Variants in XDH observed in about 807,000 individuals in gnomAD.
XDH encodes the protein xanthine dehydrogenase/oxidase.
XDH carries 138 observed loss-of-function variants against 156.1 expected under a neutral mutation model. The ratio of observed to expected loss-of-function variants is 0.88; its 90% confidence interval spans 0.77 to 1.02. The LOEUF is 1.02. XDH is among the 50% of genes least tolerant of loss of function. XDH has a pLI of 0.00. For synonymous variants in XDH, 669 were observed against 625.7 expected (o/e 1.07, Z -1.03); for missense variants, 1,849 against 1,684.9 (o/e 1.10, Z -1.71).
intron 6 of XDH, among the ~76,000 whole-genome samples, chr2:31,392,300 G>T (rs1572559788): frequency 6.6e-6 from 1 of 151,566 alleles, no homozygotes; most frequent in Middle Eastern, 3.4e-3. Flanking sequence ...CAATGAAATT[G>T]ATTTTTGCTC....
intron 27 of XDH, 84 bp downstream of exon 27, chr2:31,348,815 G>T (rs969361639): frequency 2.3e-6 from 3 of 1,323,060 alleles, no homozygotes; most frequent in Non-Finnish European, 3.3e-6. Context: ...CAGTGACAAC[G>T]AAATTTCCCT....
intron 6 of XDH, among the ~76,000 whole-genome samples, chr2:31,388,862 C>T (rs1422531482): frequency 1.3e-5 from 2 of 152,208 alleles, no homozygotes; most frequent in African/African-American, 4.8e-5. Context: ...ACCCTTCACT[C>T]CTCACTGTGG....
At chr2:31,369,712 C>T (rs1169018245) in intron 18 of XDH, among the ~76,000 whole-genome samples, 1 of 152,224 alleles carries the variant, frequency 6.6e-6, no homozygotes, top group East Asian at 1.9e-4. Flanking sequence ...ATGCTCTCCT[C>T]ATGGAGTCTT....
chr2:31,404,240 G>C (rs206799), intron 2 of XDH, among the ~76,000 whole-genome samples: 8,171 of 152,136 alleles, frequency 0.054, 361 homozygotes, highest in African/African-American at 0.11. Context: ...ACCTGGGAAG[G>C]TTTTCTGTGT....
rs1334517823 is a variant in XDH, at chr2:31,350,107, C to A, written c.2748G>T (p.Gly916=). The change falls in exon 25 of 36, where the codon GGG becomes GGT. Residue 916 remains glycine (G), a synonymous_variant. Coordinates refer to ENST00000379416, the MANE Select transcript of XDH (RefSeq NM_000379.4). ...CGGCAATGAGCATCCCCTGGGGCCCCCCAAAGCCCCGGAAGGCCGTGTTGG... is the reference window on the plus strand; with the variant it reads ...CGGCAATGAGCATCCCCTGGGGCCCACCAAAGCCCCGGAAGGCCGTGTTGG... ...LPSNTAFRGF[G]GPQGMLIAEC... 1 of 1,614,128 alleles carries A rather than the reference C, an allele frequency of 6.2e-7. No individual in the cohort carries two copies. The highest frequency in any genetic ancestry group is 8.5e-7 in the Non-Finnish European group (1 of 1,180,052).
intron 22 of XDH, 141 bp downstream of exon 22, chr2:31,365,835 G>T (rs1356995708): frequency 4.9e-6 from 7 of 1,418,008 alleles, no homozygotes; most frequent in Admixed American, 2.0e-5. Flanking sequence ...ATGCCCAAGG[G>T]TTCTAAAAAC....
chr2:31,341,440 G>T (rs1029037087), intron 32 of XDH, 46 bp from the exon 33 acceptor site: 47 of 1,539,260 alleles, frequency 3.1e-5, no homozygotes, highest in Non-Finnish European at 4.1e-5. Context: ...AGGAAAAGAT[G>T]TTTGGAATAT....
intron 34 of XDH, among the ~76,000 whole-genome samples, chr2:31,338,179 AGG>A (rs1685019067): frequency 6.6e-6 from 1 of 152,210 alleles, no homozygotes. Context: ...TCACTAGCCG[AGG>A]GGAAGAGTCT....
intron 6 of XDH, among the ~76,000 whole-genome samples, chr2:31,396,766 T>A (rs1026834325): frequency 6.6e-6 from 1 of 152,224 alleles, no homozygotes; most frequent in African/African-American, 2.4e-5. Flanking sequence ...TTAGGCATTT[T>A]CATTTAATTC....
chr2:31,344,663 C>T (rs1173111576), intron 31 of XDH, 21 bp downstream of exon 31: 6 of 1,613,986 alleles, frequency 3.7e-6, no homozygotes, highest in Non-Finnish European at 5.1e-6. Context: ...ATGAGCTGGG[C>T]AAGGACAACA....
At chr2:31,402,723 A>C (rs74511714) in intron 3 of XDH, among the ~76,000 whole-genome samples, 1 of 152,302 alleles carries the variant, frequency 6.6e-6, no homozygotes, top group African/African-American at 2.4e-5. Flanking sequence ...AACCTGGGGC[A>C]TACTGTGCAG....
chr2:31,380,051 C>G lies in XDH; in HGVS notation c.1133-75G>C, dbSNP rs921997563. 2.1e-6 allele frequency: 3 copies of G among 1,419,786 alleles called. No homozygotes were observed. The African/African-American group carries it at 4.2e-5, about 20-fold the overall frequency. The allele number at this position is 1,419,786 out of a possible 1,614,324, so 87.9% of individuals were successfully genotyped here. ...ACCCCCCATGGGGAGAAAGGATAAC[C>G]ATCAGTGGGATTCTTCATGCTGGTC... On this transcript the variant is annotated intron_variant, in intron 12 of 35. Coordinates refer to ENST00000379416, the MANE Select transcript of XDH (RefSeq NM_000379.4).
At chr2:31,345,209 C>T (rs918349401) in intron 30 of XDH, among the ~76,000 whole-genome samples, 1 of 152,206 alleles carries the variant, frequency 6.6e-6, no homozygotes, top group Non-Finnish European at 1.5e-5. Context: ...GGTTCCTCTT[C>T]TATATATGTG....
intron 1 of XDH, among the ~76,000 whole-genome samples, 195 bp downstream of exon 1, chr2:31,414,430 T>A (rs990927458): frequency 1.3e-5 from 2 of 151,718 alleles, no homozygotes; most frequent in Admixed American, 1.3e-4. Flanking sequence ...GAGTATCTTG[T>A]CTGTGCTCTA....
intron 35 of XDH, 23 bp downstream of exon 35, chr2:31,337,618 T>A (rs752207109): frequency 6.2e-7 from 1 of 1,613,360 alleles, no homozygotes; most frequent in African/African-American, 1.3e-5. Context: ...CTGGACTGAG[T>A]GGATGCTTGA....
intron 4 of XDH, among the ~76,000 whole-genome samples, chr2:31,399,709 G>T (rs1214361076): frequency 6.6e-6 from 1 of 152,150 alleles, no homozygotes; most frequent in Non-Finnish European, 1.5e-5. Context: ...TCATGGTAGT[G>T]AATAAATCTG....
chr2:31,373,605 T>A (rs1462043419), intron 16 of XDH, among the ~76,000 whole-genome samples: 1 of 151,708 alleles, frequency 6.6e-6, no homozygotes, highest in Non-Finnish European at 1.5e-5. Flanking sequence ...TTGTACATTA[T>A]CCATCACGTA....
At chr2:31,353,386 G>A (rs765199931) in intron 24 of XDH, among the ~76,000 whole-genome samples, 7 of 152,136 alleles carry the variant, frequency 4.6e-5, no homozygotes, top group Non-Finnish European at 7.3e-5. Context: ...AGTATATACA[G>A]AGACTTTCAC....
chr2:31,349,471 C>A (rs945605063), intron 26 of XDH, among the ~76,000 whole-genome samples: 6 of 152,170 alleles, frequency 3.9e-5, no homozygotes, highest in Non-Finnish European at 7.3e-5. Context: ...TGAACCACAA[C>A]TGACAGGCTA....
Sources: gnomAD v4.1 joint callset for allele counts (sites outside exome capture counted in the v4.1 genomes callset) on GRCh38, gnomAD v4.1.1 for gene constraint, MANE v1.5 for transcripts, NCBI Gene and HGNC (gene_info 2026-07-23, HGNC 2026-07-21) for gene names.